The following CAMTA1 variants were observed in gnomAD, a reference collection of about 807,000 sequenced individuals.
The protein encoded by CAMTA1 is calmodulin binding transcription activator 1.
In CAMTA1, 27 loss-of-function variants were observed where a neutral mutation model predicts 170.9. The observed-to-expected ratio is 0.16, with a 90% CI of 0.12 to 0.22. The LOEUF (loss-of-function observed/expected upper bound fraction) is 0.22. Ranked by LOEUF, CAMTA1 falls within the 10% of genes least tolerant of loss-of-function variation. The probability of loss-of-function intolerance (pLI) is 1.00; values close to 1 mark genes in which losing one functional copy is unlikely to be tolerated. For missense variants in CAMTA1, 1,619 were observed against 2,217.2 expected, an observed-to-expected ratio of 0.73 and a Z score of 5.42; for synonymous variants, 833 against 891.5, an observed-to-expected ratio of 0.93 and a Z score of 1.17.
chr1:7,141,831 C>A (rs1645907357), intron 4 of CAMTA1, among the ~76,000 whole-genome samples: 1 of 152,210 alleles, frequency 6.6e-6, no homozygotes, highest in Non-Finnish European at 1.5e-5. Context: ...TTACATGACT[C>A]CGAAGGCCTA....
At chr1:7,684,114 T>C (rs1458571767) in intron 11 of CAMTA1, among the ~76,000 whole-genome samples, 1 of 152,154 alleles carries the variant, frequency 6.6e-6, no homozygotes, top group African/African-American at 2.4e-5. Flanking sequence ...TGGCAAATGG[T>C]GCCCTGCGGA....
Position 7,030,849 on chromosome 1 carries a change from T to G in CAMTA1, c.235-60455T>G, listed in dbSNP as rs562986752. Among the ~76,000 whole-genome samples, 17 of 152,086 alleles carry G rather than the reference T, an allele frequency of 1.1e-4. 1 individual carries two copies. The South Asian group carries it at 3.3e-3, about 30-fold the overall frequency. On this transcript the variant is annotated intron_variant, in intron 3 of 22. Transcript: ENST00000303635. ...TTCTACATCCTTAATGTTTTTTTTT[T>G]TTTGAGATGGATCCTTGCTCTGTTG...
intron 4 of CAMTA1, among the ~76,000 whole-genome samples, chr1:7,236,247 C>T (rs1451220299): frequency 6.6e-6 from 1 of 152,218 alleles, no homozygotes; most frequent in African/African-American, 2.4e-5. Context: ...TCCTGTCAAC[C>T]TTGCTATGTG....
chr1:6,788,667 G>T (rs1169650089), intron 1 of CAMTA1, among the ~76,000 whole-genome samples: 6 of 151,246 alleles, frequency 4.0e-5, no homozygotes, highest in African/African-American at 1.5e-4. Flanking sequence ...GTTTCCAGTG[G>T]TGGTTCTTCC....
chr1:6,966,660 A>T (rs141351812), intron 3 of CAMTA1, among the ~76,000 whole-genome samples: 74 of 128,324 alleles, frequency 5.8e-4, no homozygotes, highest in African/African-American at 2.0e-3. Flanking sequence ...CCCAGGCTGG[A>T]GTGCAAGTGG....
chr1:7,331,445 G>A (rs2083032702), intron 5 of CAMTA1, among the ~76,000 whole-genome samples: 1 of 152,112 alleles, frequency 6.6e-6, no homozygotes, highest in Non-Finnish European at 1.5e-5. Context: ...TGATTATGTG[G>A]GTTACATCTC....
intron 3 of CAMTA1, among the ~76,000 whole-genome samples, chr1:6,851,088 A>G (rs1050115445): frequency 2.0e-5 from 3 of 152,206 alleles, no homozygotes; most frequent in African/African-American, 7.2e-5. Context: ...ATTTAAGACA[A>G]TGTTACTGAA....
At chr1:7,174,435 A>T (rs1027402362) in intron 4 of CAMTA1, among the ~76,000 whole-genome samples, 7 of 152,230 alleles carry the variant, frequency 4.6e-5, no homozygotes, top group African/African-American at 1.7e-4. Flanking sequence ...ACATAAAAAT[A>T]CACAAGGCCC....
intron 6 of CAMTA1, among the ~76,000 whole-genome samples, chr1:7,630,901 T>A (rs1241920831): frequency 6.6e-6 from 1 of 152,228 alleles, no homozygotes; most frequent in African/African-American, 2.4e-5. Context: ...AAGAGCACAG[T>A]TGACTACTGA....
intron 5 of CAMTA1, among the ~76,000 whole-genome samples, chr1:7,366,483 CT>C: frequency 6.6e-6 from 1 of 152,222 alleles, no homozygotes; most frequent in East Asian, 1.9e-4. Context: ...GGCTAGAATT[CT>C]TTTCTGGACT....
intron 5 of CAMTA1, among the ~76,000 whole-genome samples, chr1:7,270,292 T>TATATATA (rs1491275364): frequency 4.3e-5 from 3 of 70,366 alleles, no homozygotes; most frequent in Admixed American, 3.9e-4. Flanking sequence ...TATATATATA[T>TATATATA]TTTTTTTTTT....
intron 4 of CAMTA1, among the ~76,000 whole-genome samples, chr1:7,106,555 A>G (rs540087664): frequency 1.8e-4 from 27 of 152,190 alleles, no homozygotes; most frequent in Middle Eastern, 3.4e-3. Flanking sequence ...TCTTTTTCAC[A>G]TTTGAGTGCT....
chr1:7,225,763 C>T (rs1431378756), intron 4 of CAMTA1, among the ~76,000 whole-genome samples: 1 of 152,214 alleles, frequency 6.6e-6, no homozygotes, highest in Non-Finnish European at 1.5e-5. Flanking sequence ...TCAGAGTTCC[C>T]TCGACAGTGG....
intron 1 of CAMTA1, among the ~76,000 whole-genome samples, chr1:6,809,200 T>C (rs2148321138): frequency 6.6e-6 from 1 of 152,162 alleles, no homozygotes; most frequent in South Asian, 2.1e-4. Flanking sequence ...CTAATTTTCG[T>C]ATTTTTAGTA....
At chr1:7,057,903 C>G (rs1465451439) in intron 3 of CAMTA1, among the ~76,000 whole-genome samples, 5 of 152,192 alleles carry the variant, frequency 3.3e-5, no homozygotes, top group Non-Finnish European at 7.3e-5. Context: ...TGAGGATGCC[C>G]CCTTCTCTGG....
At chr1:7,023,317 G>T (rs548106217) in intron 3 of CAMTA1, among the ~76,000 whole-genome samples, 1 of 152,322 alleles carries the variant, frequency 6.6e-6, no homozygotes, top group South Asian at 2.1e-4. Context: ...TTGTTATGGG[G>T]GATGATTCCT....
chr1:7,284,174 C>A (rs201851806), intron 5 of CAMTA1, among the ~76,000 whole-genome samples: 4,854 of 106,812 alleles, frequency 0.045, 83 homozygotes, highest in Middle Eastern at 0.084. Context: ...TCTTCTTCTT[C>A]TTCTTATTAT....
intron 5 of CAMTA1, among the ~76,000 whole-genome samples, chr1:7,396,060 A>C (rs1179613415): frequency 6.6e-6 from 1 of 152,166 alleles, no homozygotes; most frequent in Non-Finnish European, 1.5e-5. Context: ...TCATATTGAA[A>C]TTTGATATCC....
chr1:7,307,119 A>G (rs1675712400), intron 5 of CAMTA1, among the ~76,000 whole-genome samples: 1 of 152,006 alleles, frequency 6.6e-6, no homozygotes, highest in Admixed American at 6.5e-5. Flanking sequence ...CTTTAAAAAA[A>G]TTCTTGTTAG....
Sources: allele counts gnomAD v4.1 joint callset (sites outside exome capture counted in the v4.1 genomes callset), GRCh38; gene constraint gnomAD v4.1.1; transcripts MANE v1.5; gene names NCBI Gene and HGNC (gene_info 2026-07-23, HGNC 2026-07-21).